Variants in CCDC191 observed in about 807,000 individuals in gnomAD.
The protein encoded by CCDC191 is coiled-coil domain containing 191, also known as coiled-coil domain-containing protein 191.
Under a neutral mutation model 114.0 loss-of-function variants are expected in CCDC191, and 99 were observed. That is an observed-to-expected ratio of 0.87 (90% CI 0.74 to 1.03). CCDC191 has a LOEUF of 1.03. CCDC191 is among the 50% of genes least tolerant of loss of function. The pLI is 0.00. For missense variants in CCDC191, 973 were observed against 1,087.0 expected (o/e 0.90, Z 1.47); for synonymous variants, 351 against 376.0 (o/e 0.93, Z 0.77).
intron 13 of CCDC191, among the ~76,000 whole-genome samples, chr3:113,983,238 C>T (rs557126694): frequency 6.6e-5 from 10 of 152,268 alleles, no homozygotes; most frequent in Non-Finnish European, 1.0e-4. Flanking sequence ...TCTCTTTCTA[C>T]CTCACTAGCT....
intron 16 of CCDC191, among the ~76,000 whole-genome samples, chr3:113,968,349 T>C (rs1460324206): frequency 2.6e-5 from 4 of 152,216 alleles, no homozygotes; most frequent in Admixed American, 6.5e-5. Flanking sequence ...TGATATCGCA[T>C]TGTGGTTTTG....
At position 114,023,386 on chromosome 3, in the gene CCDC191, C is replaced by T. The variant is rs533351533; in HGVS notation, c.973-4518G>A. 2.6e-3 allele frequency among the ~76,000 whole-genome samples: 394 copies of T among 152,268 alleles called. 2 individuals carry two copies. Among genetic ancestry groups the T allele is most frequent in the African/African-American group, 8.9e-3 (369 of 41,544 alleles). On this transcript the variant is annotated intron_variant, in intron 7 of 16. Transcript: ENST00000295878. ...AGTTCATATGGAACCAAAAAAGAGC[C>T]TGCATTGCCAAGTCAATCCTAAGCC...
Position 114,046,733 on chromosome 3 carries a change from C to G in CCDC191, c.130-1G>C, listed in dbSNP as rs2076635406. 6.3e-7 allele frequency: 1 copy of G among 1,594,038 alleles called. No homozygotes were observed. The highest frequency in any genetic ancestry group is 8.5e-7 in the Non-Finnish European group (1 of 1,170,122). On this transcript the variant is annotated splice_acceptor_variant, in intron 2 of 16. Transcript: ENST00000295878. LOFTEE classifies it high-confidence loss of function. ...CAAACTCTGAGGCTTTCTCCACTCT[C>G]TTCAATATAACAGAAAAAAAAATCC...
chr3:113,977,129 T>C (rs1331505507), intron 16 of CCDC191, among the ~76,000 whole-genome samples: 1 of 152,104 alleles, frequency 6.6e-6, no homozygotes, highest in Non-Finnish European at 1.5e-5. Flanking sequence ...AAACCCTGTT[T>C]CTACTAAAAA....
chr3:114,037,969 T>C (rs2076509521), intron 4 of CCDC191, among the ~76,000 whole-genome samples: 2 of 152,198 alleles, frequency 1.3e-5, no homozygotes, highest in African/African-American at 4.8e-5. Flanking sequence ...TGGGAAAATG[T>C]GTAGGAGTGG....
chr3:113,984,179 AAT>A (rs1489384898), intron 13 of CCDC191: 2 of 152,180 alleles, frequency 1.3e-5, no homozygotes, highest in Admixed American at 1.3e-4. Flanking sequence ...TCTCCAAAGA[AAT>A]ATATATGATT....
At chr3:113,991,396 G>A (rs926961072) in intron 13 of CCDC191, among the ~76,000 whole-genome samples, 4 of 151,540 alleles carry the variant, frequency 2.6e-5, no homozygotes, top group African/African-American at 9.7e-5. Flanking sequence ...ATCAATCAAT[G>A]TAGTTTACCG....
intron 13 of CCDC191, among the ~76,000 whole-genome samples, chr3:113,982,568 T>C (rs1306252632): frequency 1.3e-5 from 2 of 152,090 alleles, no homozygotes; most frequent in Non-Finnish European, 2.9e-5. Flanking sequence ...TCTGGGCTTC[T>C]TTCTGAAATA....
chr3:114,056,399 A>T lies in CCDC191; in HGVS notation c.68T>A (p.Phe23Tyr). 6.2e-7 allele frequency: 1 copy of T among 1,614,062 alleles called. No individual in the cohort carries two copies. The highest frequency in any genetic ancestry group is 1.3e-5 in the African/African-American group (1 of 74,986). Residue 23 changes from phenylalanine to tyrosine, a missense_variant, in exon 1 of 17, where the codon TTC becomes TAC. By Grantham distance (22) the Phe-to-Tyr change is conservative. Coordinates refer to ENST00000295878, the MANE Select transcript of CCDC191 (RefSeq NM_020817.2). ...KRMGLNRWKR[F>Y]TRKPSPKPTF... is the part of the protein sequence containing the mutation. ...CACCTTGGGACTCGGCTTCCTTGTG[A>T]ACCGTTTCCAGCGATTCAGCCCCAT...
chr3:114,006,611 TATATATAAATATATATA>T (rs2075970529), intron 9 of CCDC191, among the ~76,000 whole-genome samples: 3 of 125,872 alleles, frequency 2.4e-5, no homozygotes, highest in African/African-American at 9.4e-5. Flanking sequence ...TATATATATA[TATATATAAATATATATA>T]TTTTATATAT....
chr3:114,031,106 A>T (rs926909263), intron 7 of CCDC191, among the ~76,000 whole-genome samples: 1 of 152,228 alleles, frequency 6.6e-6, no homozygotes, highest in African/African-American at 2.4e-5. Flanking sequence ...TTTTACAAAA[A>T]GATAAAGTGA....
At chr3:114,009,145 G>C (rs2076023822) in intron 9 of CCDC191, among the ~76,000 whole-genome samples, 3 of 152,136 alleles carry the variant, frequency 2.0e-5, no homozygotes, top group Non-Finnish European at 4.4e-5. Context: ...TTGCAGGACT[G>C]GAAGTTGCTC....
chr3:114,055,005 A>AAATAATAAT (rs541235858), intron 1 of CCDC191, among the ~76,000 whole-genome samples: 3 of 150,614 alleles, frequency 2.0e-5, no homozygotes, highest in South Asian at 2.1e-4. Flanking sequence ...ATACTCTTTA[A>AAATAATAAT]AATAATAATA....
chr3:113,977,034 A>C (rs1941414090), intron 16 of CCDC191, among the ~76,000 whole-genome samples: 1 of 152,192 alleles, frequency 6.6e-6, no homozygotes, highest in Non-Finnish European at 1.5e-5. Flanking sequence ...TGGCAATAAG[A>C]TAGGAACACT....
chr3:114,036,823 T>A lies in CCDC191; in HGVS notation c.416-37A>T, dbSNP rs368890712. 4,403 of 1,370,606 alleles carry A rather than the reference T, an allele frequency of 3.2e-3. 40 individuals carry two copies. The highest frequency in any genetic ancestry group is 0.015 in the African/African-American group (994 of 66,522). 84.9% of individuals were successfully genotyped at this position (1,370,606 alleles called of 1,614,324 possible). On this transcript the variant is annotated intron_variant, in intron 4 of 16. Transcript: ENST00000295878. ...AGAACAACAAAAAAGGGAATTTTTT[T>A]AAAAAATTAATTTTAGTATTATATT...
chr3:114,006,045 T>C (rs1391527199), intron 9 of CCDC191, 83 bp from the exon 10 acceptor site: 2 of 1,256,960 alleles, frequency 1.6e-6, no homozygotes, highest in Non-Finnish European at 1.2e-6. Context: ...CAGTATTGTT[T>C]TGTTTAATGG....
At chr3:114,003,079 T>C (rs2075884584) in intron 11 of CCDC191, 1 of 985,404 alleles carries the variant, frequency 1.0e-6, no homozygotes, top group Admixed American at 6.1e-5. Context: ...GATATACAGA[T>C]GGGCAGGAAA....
intron 2 of CCDC191, among the ~76,000 whole-genome samples, chr3:114,049,628 A>G (rs1414604883): frequency 2.0e-5 from 3 of 152,172 alleles, no homozygotes; most frequent in African/African-American, 7.2e-5. Flanking sequence ...ACTGAAGGAT[A>G]AAGAAGGATA....
At chr3:114,006,153 A>G (rs2107668781) in intron 9 of CCDC191, 191 bp from the exon 10 acceptor site, 1 of 673,828 alleles carries the variant, frequency 1.5e-6, no homozygotes, top group South Asian at 1.6e-5. Flanking sequence ...GCTCACCATG[A>G]AAACTGGGAG....
Sources: allele counts gnomAD v4.1 joint callset (sites outside exome capture counted in the v4.1 genomes callset), GRCh38; gene constraint gnomAD v4.1.1; transcripts MANE v1.5; gene names NCBI Gene and HGNC (gene_info 2026-07-23, HGNC 2026-07-21).